MTA3: variants seen among roughly 807,000 people sequenced by gnomAD.
MTA3 encodes the protein metastasis associated 1 family member 3, also known as metastasis-associated protein MTA3.
A neutral mutation model predicts 83.5 loss-of-function variants in MTA3; 34 were observed. The ratio of observed to expected loss-of-function variants is 0.41; its 90% confidence interval spans 0.31 to 0.54. The LOEUF is 0.54. MTA3 is among the 20% of genes least tolerant of loss of function. MTA3 has a pLI of 0.33. For synonymous variants in MTA3, 303 were observed against 252.7 expected, an observed-to-expected ratio of 1.20 and a Z score of -1.89; for missense variants, 761 against 726.4, an observed-to-expected ratio of 1.05 and a Z score of -0.55.
chr2:42,681,665 A>G (rs1691928342), intron 8 of MTA3, among the ~76,000 whole-genome samples: 1 of 152,096 alleles, frequency 6.6e-6, no homozygotes, highest in South Asian at 2.1e-4. Flanking sequence ...GGCATGCACA[A>G]CCAGGCCCAG....
Position 42,754,345 on chromosome 2 carries a change from G to A in MTA3, c.*946G>A. The A allele has an allele frequency of 2.0e-6, 2 of 985,466 alleles. No individual in the cohort carries two copies. The highest frequency in any genetic ancestry group is 2.4e-6 in the Non-Finnish European group (2 of 829,980). 61.0% of individuals were successfully genotyped at this position (985,466 alleles called of 1,614,324 possible). A position where few individuals can be genotyped will look rare whatever the true frequency, so the allele number is the denominator to read the frequency against. On this transcript the variant is annotated 3_prime_UTR_variant, in exon 17 of 17. Transcript: ENST00000405094. ...GTGGAGTGAGAGAACTGTGTTTGTG[G>A]GTATGAGTCTGTGTGGCCAACCCCA...
chr2:42,502,903 A>C (rs1440718293), intron 2 of MTA3, among the ~76,000 whole-genome samples: 1 of 151,752 alleles, frequency 6.6e-6, no homozygotes, highest in Non-Finnish European at 1.5e-5. Flanking sequence ...CAGAGGTTGC[A>C]GTGAGCTGAG....
rs909466816 is a variant in MTA3 at position 42,609,350 on chromosome 2, T to G, written c.191-108T>G. Reference sequence around the variant, plus strand: ...CCTGGCAAATGTTTAAATTTAAAATTGATTAGTTTGAAGAAAATATTGAAT... The same window carrying G: ...CCTGGCAAATGTTTAAATTTAAAATGGATTAGTTTGAAGAAAATATTGAAT... On this transcript the variant is annotated intron_variant, in intron 3 of 16. Transcript: ENST00000405094. 2.0e-5 allele frequency: 24 copies of G among 1,212,188 alleles called. No homozygotes were observed. The South Asian group carries it at 3.2e-4, about 16-fold the overall frequency. The allele number at this position is 1,212,188 out of a possible 1,614,324, so 75.1% of individuals were successfully genotyped here. A position where few individuals can be genotyped will look rare whatever the true frequency, so the allele number is the denominator to read the frequency against.
intron 11 of MTA3, among the ~76,000 whole-genome samples, chr2:42,698,724 A>G (rs960150475): frequency 6.6e-6 from 1 of 152,148 alleles, no homozygotes; most frequent in African/African-American, 2.4e-5. Flanking sequence ...ATTTTGTATA[A>G]TACATGTTTT....
intron 4 of MTA3, among the ~76,000 whole-genome samples, chr2:42,638,130 T>C (rs1298488402): frequency 6.6e-6 from 1 of 152,174 alleles, no homozygotes; most frequent in East Asian, 1.9e-4. Flanking sequence ...AGAGAACTTA[T>C]TTTTTTAAAA....
At chr2:42,549,423 A>C (rs1316183309) in intron 2 of MTA3, among the ~76,000 whole-genome samples, 2 of 112,664 alleles carry the variant, frequency 1.8e-5, no homozygotes, top group African/African-American at 7.2e-5. Context: ...TATATTATAT[A>C]ATATATAATA....
At chr2:42,523,254 C>G (rs563734614) in intron 2 of MTA3, among the ~76,000 whole-genome samples, 1 of 152,294 alleles carries the variant, frequency 6.6e-6, no homozygotes, top group Admixed American at 6.5e-5. Flanking sequence ...CAAATCCACT[C>G]TCCCTTTCTT....
intron 12 of MTA3, among the ~76,000 whole-genome samples, chr2:42,706,097 A>AG (rs1199637137): frequency 6.6e-6 from 1 of 152,154 alleles, no homozygotes; most frequent in African/African-American, 2.4e-5. Context: ...AAGATTTTGA[A>AG]GGGGAACATC....
intron 16 of MTA3, among the ~76,000 whole-genome samples, chr2:42,742,272 G>A (rs1054392299): frequency 2.0e-5 from 3 of 151,932 alleles, no homozygotes; most frequent in Non-Finnish European, 4.4e-5. Context: ...CAGAGTAGCT[G>A]GGATTACAGG....
intron 8 of MTA3, 132 bp from the exon 9 acceptor site, chr2:42,682,269 T>G (rs1692002341): frequency 1.5e-6 from 1 of 645,330 alleles, no homozygotes; most frequent in Admixed American, 3.4e-5. Context: ...AGTAATCTGT[T>G]TAAAATTTTG....
rs187001121 is a variant in MTA3 at position 42,697,422 on chromosome 2, C to T, written c.967-354C>T. Among the ~76,000 whole-genome samples, 574 of 152,124 alleles carry T rather than the reference C, an allele frequency of 3.8e-3. 3 individuals carry two copies. Among genetic ancestry groups the T allele is most frequent in the African/African-American group, 0.012 (506 of 41,524 alleles). ...AGAGTGAGAGTGTGTGTGTTTTCTT[C>T]TAGAGAGGCAAATAAGTAATAAAGT... On this transcript the variant is annotated intron_variant, in intron 10 of 16. Transcript: ENST00000405094.
Position 42,699,966 on chromosome 2 carries a change from T to C in MTA3, c.1025+2132T>C, listed in dbSNP as rs144933796. Reference sequence around the variant, plus strand: ...TCCAGTATTTATAGATCAGATAGAATATGATAGCTAAAATGATAGCTAGGC... The same window carrying C: ...TCCAGTATTTATAGATCAGATAGAACATGATAGCTAAAATGATAGCTAGGC... On this transcript the variant is annotated intron_variant, in intron 11 of 16. Coordinates refer to ENST00000405094, the MANE Select transcript of MTA3 (RefSeq NM_001330442.2). 1.6e-3 allele frequency among the ~76,000 whole-genome samples: 240 copies of C among 152,178 alleles called. 3 individuals carry two copies. In the East Asian group the frequency reaches 0.029, roughly 18 times the overall value.
chr2:42,556,857 G>A (rs570372230), intron 2 of MTA3, among the ~76,000 whole-genome samples: 8 of 152,256 alleles, frequency 5.3e-5, no homozygotes, highest in Non-Finnish European at 7.3e-5. Flanking sequence ...TTCAGGGCCC[G>A]TTAGAAAAGG....
At chr2:42,622,082 G>A (rs1430490762) in intron 4 of MTA3, among the ~76,000 whole-genome samples, 7 of 152,106 alleles carry the variant, frequency 4.6e-5, no homozygotes, top group Admixed American at 1.3e-4. Context: ...GTAGCGAGCC[G>A]AGATCACGCC....
intron 3 of MTA3, among the ~76,000 whole-genome samples, chr2:42,582,364 A>AT (rs1679767256): frequency 6.6e-6 from 1 of 152,160 alleles, no homozygotes. Flanking sequence ...AGCCCGAGAT[A>AT]TTTTACCTTT....
At chr2:42,599,505 G>T (rs1489019036) in intron 3 of MTA3, among the ~76,000 whole-genome samples, 1 of 151,988 alleles carries the variant, frequency 6.6e-6, no homozygotes. Flanking sequence ...TAGGAGAATG[G>T]CGTGAAGCTG....
At chr2:42,731,828 G>A (rs1269702563) in intron 16 of MTA3, among the ~76,000 whole-genome samples, 1 of 152,170 alleles carries the variant, frequency 6.6e-6, no homozygotes, top group African/African-American at 2.4e-5. Context: ...TTCTCCCTAT[G>A]AGTCTGTAAA....
intron 4 of MTA3, among the ~76,000 whole-genome samples, chr2:42,620,168 G>C (rs1357062863): frequency 6.7e-6 from 1 of 150,306 alleles, no homozygotes; most frequent in Non-Finnish European, 1.5e-5. Context: ...GCCCAGGCTG[G>C]AGTGCAATGG....
At chr2:42,513,956 G>A (rs1029050263) in intron 2 of MTA3, among the ~76,000 whole-genome samples, 3 of 152,200 alleles carry the variant, frequency 2.0e-5, no homozygotes, top group Admixed American at 2.0e-4. Flanking sequence ...GCTCATGCCT[G>A]TAATCCTAGC....
Sources: allele counts gnomAD v4.1 joint callset (sites outside exome capture counted in the v4.1 genomes callset), GRCh38; gene constraint gnomAD v4.1.1; transcripts MANE v1.5; gene names NCBI Gene and HGNC (gene_info 2026-07-23, HGNC 2026-07-21).